The following SERPINI1 variants were observed in gnomAD, a reference collection of about 807,000 sequenced individuals.
SERPINI1 encodes neuroserpin.
Under a neutral mutation model 41.1 loss-of-function variants are expected in SERPINI1, and 19 were observed. That is an observed-to-expected ratio of 0.46 (90% CI 0.32 to 0.68). The LOEUF is 0.68. Among genes scored for constraint, SERPINI1 ranks in the 30% least tolerant of loss-of-function variants. SERPINI1 has a pLI of 0.03. For synonymous variants in SERPINI1, 138 were observed against 156.6 expected (o/e 0.88, Z 0.89); for missense variants, 460 against 479.2 (o/e 0.96, Z 0.37).
intron 1 of SERPINI1, among the ~76,000 whole-genome samples, chr3:167,763,795 G>A (rs1726467245): frequency 6.6e-6 from 1 of 152,142 alleles, no homozygotes; most frequent in African/African-American, 2.4e-5. Flanking sequence ...AGGAAATTCT[G>A]AAGTAGCAAT....
At position 167,764,951 on chromosome 3, in the gene SERPINI1, A is replaced by G. The variant is rs146616986; in HGVS notation, c.-18-24160A>G. ...ACTTCATGTTTCACATCCAGGTCAC[A>G]CTGATGCAAGAGGTAGGTTCTCATT... On this transcript the variant is annotated intron_variant, in intron 1 of 8. Transcript: ENST00000446050. Among the ~76,000 whole-genome samples the G allele has an allele frequency of 5.1e-3, 784 of 152,338 alleles. 9 individuals carry two copies. The highest frequency in any genetic ancestry group is 0.018 in the African/African-American group (761 of 41,580).
At chr3:167,817,220 G>A (rs746062077) in intron 6 of SERPINI1, among the ~76,000 whole-genome samples, 3 of 152,130 alleles carry the variant, frequency 2.0e-5, no homozygotes, top group Non-Finnish European at 4.4e-5. Context: ...TCAAAAAGAT[G>A]ATTTGTATAT....
At chr3:167,804,934 G>C (rs1410325187) in intron 5 of SERPINI1, among the ~76,000 whole-genome samples, 1 of 152,118 alleles carries the variant, frequency 6.6e-6, no homozygotes, top group Non-Finnish European at 1.5e-5. Flanking sequence ...GTTTGGGGAA[G>C]AGTCCATATT....
intron 3 of SERPINI1, among the ~76,000 whole-genome samples, chr3:167,792,360 TAC>T (rs1727554224): frequency 8.1e-6 from 1 of 123,496 alleles, no homozygotes; most frequent in Admixed American, 7.6e-5. Flanking sequence ...CATATATATA[TAC>T]ACACATATAT....
intron 1 of SERPINI1, among the ~76,000 whole-genome samples, chr3:167,759,129 C>T (rs1221950849): frequency 6.6e-6 from 1 of 152,008 alleles, no homozygotes; most frequent in Non-Finnish European, 1.5e-5. Flanking sequence ...CTGGGCTTTA[C>T]TATTTCATTC....
chr3:167,795,440 G>A (rs938991668), intron 5 of SERPINI1, among the ~76,000 whole-genome samples: 3 of 152,194 alleles, frequency 2.0e-5, no homozygotes, highest in Non-Finnish European at 2.9e-5. Context: ...GTTGTAGCAT[G>A]TTCTGTCCAT....
chr3:167,771,068 T>G (rs534183375), intron 1 of SERPINI1, among the ~76,000 whole-genome samples: 40 of 152,294 alleles, frequency 2.6e-4, no homozygotes, highest in African/African-American at 9.4e-4. Context: ...TTTGAGTATA[T>G]TTTTAGGGTT....
chr3:167,783,138 T>C (rs1727194662), intron 1 of SERPINI1, among the ~76,000 whole-genome samples: 1 of 152,110 alleles, frequency 6.6e-6, no homozygotes, highest in African/African-American at 2.4e-5. Flanking sequence ...TAACCAGCAG[T>C]TCAGAGAGTG....
chr3:167,760,651 GGT>G, intron 1 of SERPINI1, among the ~76,000 whole-genome samples: 2 of 151,170 alleles, frequency 1.3e-5, no homozygotes, highest in South Asian at 4.2e-4. Flanking sequence ...AAACGCTATG[GGT>G]TGTTTAAGTG....
At chr3:167,755,799 T>TTG (rs1470268509) in intron 1 of SERPINI1, among the ~76,000 whole-genome samples, 1 of 149,812 alleles carries the variant, frequency 6.7e-6, no homozygotes, top group Non-Finnish European at 1.5e-5. Context: ...TGCTGATTTT[T>TTG]TTTTTTTTTT....
chr3:167,795,760 C>T (rs189138695), intron 5 of SERPINI1, among the ~76,000 whole-genome samples: 3 of 152,192 alleles, frequency 2.0e-5, no homozygotes, highest in Non-Finnish European at 2.9e-5. Context: ...AGTTTTCCTT[C>T]CTGTAGAAAG....
Position 167,794,653 on chromosome 3 carries a change from G to A in SERPINI1, c.710G>A (p.Gly237Asp). 2 of 1,613,518 alleles carry A rather than the reference G, an allele frequency of 1.2e-6. No individual in the cohort carries two copies. The highest frequency in any genetic ancestry group is 8.5e-7 in the Non-Finnish European group (1 of 1,179,752). The change falls in exon 5 of 9, where the codon GGT (glycine) becomes GAT (aspartate). Residue 237 changes from glycine (G) to aspartate (D), a missense_variant. Transcript: ENST00000446050. ...EFSDGSNEAG[G>D]IYQVLEIPYE... ...AGTGATGGCTCCAATGAAGCTGGTGGTATCTACCAAGTCCTAGAAATACCA... is the reference window on the plus strand; with the variant it reads ...AGTGATGGCTCCAATGAAGCTGGTGATATCTACCAAGTCCTAGAAATACCA...
intron 1 of SERPINI1, 128 bp from the exon 2 acceptor site, chr3:167,788,983 T>G (rs1416164820): frequency 1.2e-6 from 1 of 856,598 alleles, no homozygotes; most frequent in African/African-American, 1.7e-5. Flanking sequence ...TCCTCAGAAC[T>G]TAGCAGTGTT....
chr3:167,739,006 T>C (rs1457604420), intron 1 of SERPINI1, among the ~76,000 whole-genome samples: 2 of 151,898 alleles, frequency 1.3e-5, no homozygotes, highest in Non-Finnish European at 2.9e-5. Flanking sequence ...GACACTAAGA[T>C]GAGCAAGAGC....
chr3:167,816,361 C>T (rs1419880568), intron 6 of SERPINI1, among the ~76,000 whole-genome samples: 5 of 152,284 alleles, frequency 3.3e-5, no homozygotes, highest in Admixed American at 2.0e-4. Context: ...CAAGAATAAA[C>T]TTTATAACCA....
chr3:167,799,435 T>A (rs1017502564), intron 5 of SERPINI1, among the ~76,000 whole-genome samples: 5 of 152,244 alleles, frequency 3.3e-5, no homozygotes, highest in African/African-American at 7.2e-5. Flanking sequence ...CTTTATCCAG[T>A]CTATCACTGA....
At chr3:167,763,396 T>TGTGTGTGTGTG (rs1559999128) in intron 1 of SERPINI1, among the ~76,000 whole-genome samples, 4 of 151,478 alleles carry the variant, frequency 2.6e-5, no homozygotes, top group African/African-American at 7.3e-5. Context: ...TGTGTGTGTG[T>TGTGTGTGTGTG]TGAGACAGGA....
intron 1 of SERPINI1, among the ~76,000 whole-genome samples, chr3:167,777,546 C>G (rs530278803): frequency 1.4e-4 from 22 of 152,240 alleles, no homozygotes; most frequent in Non-Finnish European, 3.1e-4. Context: ...CAGGGAAGCA[C>G]CTGGGGAAAG....
At chr3:167,816,134 CT>C (rs1454685243) in intron 6 of SERPINI1, among the ~76,000 whole-genome samples, 1 of 152,170 alleles carries the variant, frequency 6.6e-6, no homozygotes, top group Non-Finnish European at 1.5e-5. Context: ...CCTCAACCTT[CT>C]TGAGCTCAGG....
Sources: gnomAD v4.1 joint callset for allele counts (sites outside exome capture counted in the v4.1 genomes callset) on GRCh38, gnomAD v4.1.1 for gene constraint, MANE v1.5 for transcripts, NCBI Gene and HGNC (gene_info 2026-07-23, HGNC 2026-07-21) for gene names.